OMA1: variants seen among roughly 807,000 people sequenced by gnomAD.
OMA1 encodes OMA1 zinc metallopeptidase.
A neutral mutation model predicts 30.9 loss-of-function variants in OMA1; 38 were observed. The observed-to-expected ratio is 1.23, with a 90% CI of 0.95 to 1.61. The LOEUF (loss-of-function observed/expected upper bound fraction) is 1.61, where lower values mean the gene tolerates loss of function less well. Among genes scored for constraint, OMA1 ranks in the 40% most tolerant of loss-of-function variants. The probability of loss-of-function intolerance (pLI) is 0.00; values close to 1 mark genes in which losing one functional copy is unlikely to be tolerated. For missense variants in OMA1, 461 were observed against 349.2 expected (o/e 1.32, Z -2.55); for synonymous variants, 173 against 121.9 (o/e 1.42, Z -2.76).
chr1:58,498,226 G>A (rs910246535), intron 8 of OMA1, among the ~76,000 whole-genome samples: 12 of 151,286 alleles, frequency 7.9e-5, no homozygotes, highest in African/African-American at 2.9e-4. Context: ...TTATAATAAT[G>A]GTAAAACTAA....
chr1:58,536,130 A>C (rs1646513154), intron 3 of OMA1, among the ~76,000 whole-genome samples: 1 of 152,116 alleles, frequency 6.6e-6, no homozygotes, highest in Non-Finnish European at 1.5e-5. Flanking sequence ...AAAGCCTAGG[A>C]GACCTAACCC....
chr1:58,518,379 A>G (rs1002248430), intron 7 of OMA1, among the ~76,000 whole-genome samples: 1 of 149,988 alleles, frequency 6.7e-6, no homozygotes, highest in African/African-American at 2.5e-5. Flanking sequence ...AGAAGGGAAG[A>G]AAAGAAAAGA....
intron 5 of OMA1, 25 bp from the exon 6 acceptor site, chr1:58,530,754 A>G: frequency 1.2e-6 from 1 of 866,718 alleles, no homozygotes; most frequent in Non-Finnish European, 2.0e-6. Flanking sequence ...AATAATAAAA[A>G]CTACATTTTA....
At chr1:58,536,791 T>C in intron 2 of OMA1, 50 bp from the exon 3 acceptor site, 3 of 824,862 alleles carry the variant, frequency 3.6e-6, no homozygotes, top group South Asian at 2.9e-5. Context: ...CCAGCACATA[T>C]CACTAAAGCT....
intron 8 of OMA1, among the ~76,000 whole-genome samples, chr1:58,493,217 C>T (rs1280383843): frequency 1.3e-5 from 2 of 152,104 alleles, no homozygotes; most frequent in East Asian, 3.9e-4. Context: ...AATTCAACAG[C>T]CCTTCATGCT....
intron 8 of OMA1, among the ~76,000 whole-genome samples, chr1:58,491,486 C>A (rs906152936): frequency 2.6e-5 from 4 of 152,120 alleles, no homozygotes; most frequent in Admixed American, 2.0e-4. Flanking sequence ...GATAAAGAGT[C>A]AAGACCCATC....
chr1:58,531,560 A>G (rs1646433862), intron 5 of OMA1, among the ~76,000 whole-genome samples: 2 of 152,194 alleles, frequency 1.3e-5, no homozygotes, highest in African/African-American at 4.8e-5. Flanking sequence ...CATTACTTGA[A>G]TGTATGAAAA....
At chr1:58,505,967 T>C (rs1645981981) in intron 8 of OMA1, 93 bp downstream of exon 8, 5 of 702,088 alleles carry the variant, frequency 7.1e-6, no homozygotes, top group Non-Finnish European at 1.0e-5. Flanking sequence ...GTTAATAGGC[T>C]AGAACTCTCT....
At position 58,492,989 on chromosome 1, in the gene OMA1, C is replaced by T. The variant is rs537846994; in HGVS notation, c.1366-11815G>A. ...AAAAGAGAATTTTAGACCAATATCC[C>T]TGATGAACATCAATGCAAAAATCCT... On this transcript the variant is annotated intron_variant, in intron 8 of 8. Coordinates refer to ENST00000371226, the MANE Select transcript of OMA1 (RefSeq NM_145243.5). 5.8e-3 allele frequency among the ~76,000 whole-genome samples: 887 copies of T among 152,272 alleles called. 4 individuals are homozygous for T. The highest frequency in any genetic ancestry group is 0.017 in the African/African-American group (709 of 41,546).
At chr1:58,507,209 T>C (rs1196305793) in intron 7 of OMA1, among the ~76,000 whole-genome samples, 1 of 151,908 alleles carries the variant, frequency 6.6e-6, no homozygotes, top group Non-Finnish European at 1.5e-5. Flanking sequence ...TAACTTATTC[T>C]TTCTATAATA....
chr1:58,506,256 A>AT (rs778260519), intron 7 of OMA1, 47 bp from the exon 8 acceptor site: 3 of 812,198 alleles, frequency 3.7e-6, no homozygotes, highest in African/African-American at 3.4e-5. Flanking sequence ...AGTTTTGAGG[A>AT]TTTTTTAAAA....
intron 8 of OMA1, among the ~76,000 whole-genome samples, chr1:58,487,979 A>G (rs1029084796): frequency 2.6e-5 from 4 of 152,292 alleles, no homozygotes; most frequent in Non-Finnish European, 5.9e-5. Context: ...TAAATTTCCC[A>G]AAGAATCAAC....
At chr1:58,542,910 A>T (rs1284219623) in intron 1 of OMA1, among the ~76,000 whole-genome samples, 4 of 152,228 alleles carry the variant, frequency 2.6e-5, no homozygotes, top group Non-Finnish European at 5.9e-5. Flanking sequence ...ATATAAGGGC[A>T]TGTGTAAGTT....
intron 7 of OMA1, among the ~76,000 whole-genome samples, chr1:58,518,921 T>A (rs1272906265): frequency 6.6e-6 from 1 of 152,134 alleles, no homozygotes; most frequent in African/African-American, 2.4e-5. Context: ...TGAGAAAAGT[T>A]GAGGCACAAA....
At chr1:58,501,855 T>C (rs1256121752) in intron 8 of OMA1, among the ~76,000 whole-genome samples, 1 of 152,022 alleles carries the variant, frequency 6.6e-6, no homozygotes, top group Non-Finnish European at 1.5e-5. Flanking sequence ...GTCTGAAGGG[T>C]GGGGCCCTGA....
At chr1:58,512,259 G>A (rs186764250) in intron 7 of OMA1, among the ~76,000 whole-genome samples, 5 of 152,206 alleles carry the variant, frequency 3.3e-5, no homozygotes, top group Admixed American at 2.6e-4. Flanking sequence ...TCTAAGTGTT[G>A]GCAAGGATGT....
chr1:58,530,558 C>T (rs778846129), intron 6 of OMA1, 43 bp downstream of exon 6: 1 of 833,152 alleles, frequency 1.2e-6, no homozygotes, highest in South Asian at 1.4e-5. Context: ...AAAATATCTT[C>T]ACCAGAGGCT....
chr1:58,510,756 C>A (rs1274500781), intron 7 of OMA1, among the ~76,000 whole-genome samples: 3 of 151,826 alleles, frequency 2.0e-5, no homozygotes, highest in African/African-American at 7.3e-5. Context: ...CCTGCTAGAA[C>A]TAATAAATAA....
intron 1 of OMA1, among the ~76,000 whole-genome samples, chr1:58,545,574 G>A (rs930100248): frequency 6.6e-6 from 1 of 152,064 alleles, no homozygotes; most frequent in Admixed American, 6.5e-5. Flanking sequence ...AAACATAGCT[G>A]GCAGACTTCT....
Sources: gnomAD v4.1 joint callset for allele counts (sites outside exome capture counted in the v4.1 genomes callset) on GRCh38, gnomAD v4.1.1 for gene constraint, MANE v1.5 for transcripts, NCBI Gene and HGNC (gene_info 2026-07-23, HGNC 2026-07-21) for gene names.